The following CNTNAP2 variants were observed in gnomAD, a reference collection of about 807,000 sequenced individuals.
CNTNAP2 encodes contactin associated protein 2, also known as contactin-associated protein-like 2.
In CNTNAP2, 98 loss-of-function variants were observed where a neutral mutation model predicts 155.2. The observed-to-expected ratio is 0.63, with a 90% CI of 0.54 to 0.75. CNTNAP2 has a LOEUF of 0.75. CNTNAP2 is among the 30% of genes least tolerant of loss of function. The probability of loss-of-function intolerance (pLI) is 0.00; values close to 1 mark genes in which losing one functional copy is unlikely to be tolerated. For missense variants in CNTNAP2, 1,727 were observed against 1,688.1 expected, an observed-to-expected ratio of 1.02 and a Z score of -0.40; for synonymous variants, 651 against 631.2, an observed-to-expected ratio of 1.03 and a Z score of -0.47.
intron 8 of CNTNAP2, among the ~76,000 whole-genome samples, chr7:147,296,151 G>A (rs925724759): frequency 3.7e-4 from 56 of 152,086 alleles, no homozygotes; most frequent in Admixed American, 3.5e-3. Context: ...ATTTAGGATT[G>A]GATTTGGGGA....
chr7:147,166,177 G>C (rs374227937), intron 8 of CNTNAP2, among the ~76,000 whole-genome samples: 1 of 152,132 alleles, frequency 6.6e-6, no homozygotes, highest in African/African-American at 2.4e-5. Context: ...GAGATAGATA[G>C]ATAGATAGAT....
At chr7:146,743,292 G>C (rs1023758643) in intron 1 of CNTNAP2, among the ~76,000 whole-genome samples, 1 of 152,152 alleles carries the variant, frequency 6.6e-6, no homozygotes, top group African/African-American at 2.4e-5. Flanking sequence ...GACTTGAAAA[G>C]GTGGTGTGTT....
At chr7:146,589,697 T>C (rs551737880) in intron 1 of CNTNAP2, among the ~76,000 whole-genome samples, 1 of 151,684 alleles carries the variant, frequency 6.6e-6, no homozygotes, top group Non-Finnish European at 1.5e-5. Context: ...TGTATACTTA[T>C]GTAACAAACC....
chr7:146,572,581 G>A (rs190590288), intron 1 of CNTNAP2, among the ~76,000 whole-genome samples: 116 of 152,204 alleles, frequency 7.6e-4, no homozygotes, highest in Admixed American at 1.1e-3. Flanking sequence ...TGTTCCCAGC[G>A]GGCAGGGGAC....
At chr7:147,493,944 G>T (rs567368373) in intron 11 of CNTNAP2, among the ~76,000 whole-genome samples, 6 of 152,286 alleles carry the variant, frequency 3.9e-5, no homozygotes, top group African/African-American at 1.4e-4. Flanking sequence ...GCTTGGTAGA[G>T]AATATGGTTT....
chr7:146,123,656 T>C (rs1328523904), intron 1 of CNTNAP2, among the ~76,000 whole-genome samples: 1 of 151,996 alleles, frequency 6.6e-6, no homozygotes, highest in Non-Finnish European at 1.5e-5. Flanking sequence ...TATAATGTCA[T>C]CTATGCTGTT....
chr7:146,339,619 A>G (rs938526499), intron 1 of CNTNAP2, among the ~76,000 whole-genome samples: 3 of 152,168 alleles, frequency 2.0e-5, no homozygotes, highest in African/African-American at 7.2e-5. Flanking sequence ...TACATATTTC[A>G]AGAATATCTA....
intron 4 of CNTNAP2, among the ~76,000 whole-genome samples, chr7:147,050,969 T>C (rs915540357): frequency 3.9e-5 from 6 of 152,062 alleles, no homozygotes; most frequent in Admixed American, 3.9e-4. Flanking sequence ...CACATGAACT[T>C]CTTCGCTTTT....
chr7:148,046,856 A>G (rs1266843366), intron 15 of CNTNAP2, among the ~76,000 whole-genome samples: 1 of 152,198 alleles, frequency 6.6e-6, no homozygotes, highest in African/African-American at 2.4e-5. Flanking sequence ...TCAATTTTTC[A>G]TTTGTGAAAC....
intron 6 of CNTNAP2, among the ~76,000 whole-genome samples, chr7:147,124,076 G>A (rs958872503): frequency 6.6e-6 from 1 of 151,816 alleles, no homozygotes; most frequent in Non-Finnish European, 1.5e-5. Flanking sequence ...AACACCTCAC[G>A]GACTGTATTA....
chr7:146,946,399 A>T lies in CNTNAP2; in HGVS notation c.403-97508A>T, dbSNP rs528383309. Among the ~76,000 whole-genome samples, 79 of 152,264 alleles carry T rather than the reference A, an allele frequency of 5.2e-4. 1 individual carries two copies. The highest frequency in any genetic ancestry group is 1.9e-3 in the African/African-American group (78 of 41,568). ...TATTTTAATAAAACATTCCTTAGGT[A>T]TTTATAGTTATAGGATTGATGGAAC... On this transcript the variant is annotated intron_variant, in intron 3 of 23. Coordinates refer to ENST00000361727, the MANE Select transcript of CNTNAP2 (RefSeq NM_014141.6).
At chr7:148,219,668 C>T (rs1044363078) in intron 19 of CNTNAP2, among the ~76,000 whole-genome samples, 3 of 152,096 alleles carry the variant, frequency 2.0e-5, no homozygotes, top group African/African-American at 7.2e-5. Context: ...TCCATCTCTA[C>T]CAAAAATAAT....
At chr7:147,033,826 C>G (rs75390289) in intron 3 of CNTNAP2, among the ~76,000 whole-genome samples, 334 of 150,682 alleles carry the variant, frequency 2.2e-3, no homozygotes, top group African/African-American at 7.7e-3. Flanking sequence ...ACAGGATGCT[C>G]TTGATACAGG....
At chr7:148,278,214 C>T (rs774464954) in intron 21 of CNTNAP2, among the ~76,000 whole-genome samples, 5 of 152,116 alleles carry the variant, frequency 3.3e-5, no homozygotes, top group Non-Finnish European at 5.9e-5. Context: ...CCGCCAATGC[C>T]ATCTTCCATA....
intron 8 of CNTNAP2, among the ~76,000 whole-genome samples, chr7:147,222,454 T>G (rs1803422014): frequency 1.3e-5 from 2 of 152,202 alleles, no homozygotes; most frequent in African/African-American, 4.8e-5. Flanking sequence ...TCCATCTCTC[T>G]GCTTACTTTA....
At chr7:146,894,183 G>A (rs1051306573) in intron 3 of CNTNAP2, among the ~76,000 whole-genome samples, 5 of 152,114 alleles carry the variant, frequency 3.3e-5, no homozygotes, top group African/African-American at 1.2e-4. Context: ...ACTGTTTACT[G>A]GAAAGGGCGT....
intron 1 of CNTNAP2, among the ~76,000 whole-genome samples, chr7:146,554,567 G>T (rs1023310066): frequency 3.3e-5 from 5 of 152,060 alleles, no homozygotes; most frequent in African/African-American, 9.7e-5. Context: ...CTCTTAGTTT[G>T]TTGTGTTATA....
intron 12 of CNTNAP2, among the ~76,000 whole-genome samples, chr7:147,617,774 C>G (rs1204681982): frequency 6.6e-6 from 1 of 152,040 alleles, no homozygotes; most frequent in Non-Finnish European, 1.5e-5. Flanking sequence ...ATTTCTTATT[C>G]TCTAATAGAA....
At chr7:147,485,235 A>T (rs754946295) in intron 10 of CNTNAP2, among the ~76,000 whole-genome samples, 1 of 152,202 alleles carries the variant, frequency 6.6e-6, no homozygotes, top group African/African-American at 2.4e-5. Flanking sequence ...CCTTAAAATT[A>T]TTTGTAAGAT....
Sources: allele counts gnomAD v4.1 joint callset (sites outside exome capture counted in the v4.1 genomes callset), GRCh38; gene constraint gnomAD v4.1.1; transcripts MANE v1.5; gene names NCBI Gene and HGNC (gene_info 2026-07-23, HGNC 2026-07-21).